Variants in CPQ observed in about 807,000 individuals in gnomAD.
The protein encoded by CPQ is carboxypeptidase Q.
CPQ carries 37 observed loss-of-function variants against 45.7 expected under a neutral mutation model. The observed-to-expected ratio is 0.81, with a 90% CI of 0.62 to 1.07. The LOEUF (loss-of-function observed/expected upper bound fraction) is 1.07, where lower values mean the gene tolerates loss of function less well. Ranked by LOEUF, CPQ falls within the 50% of genes least tolerant of loss-of-function variation. The pLI is 0.00. For synonymous variants in CPQ, 186 were observed against 205.8 expected (o/e 0.90, Z 0.82); for missense variants, 537 against 572.9 (o/e 0.94, Z 0.64).
At chr8:96,724,490 GAC>G (rs146087978) in intron 1 of CPQ, among the ~76,000 whole-genome samples, 9,691 of 144,476 alleles carry the variant, frequency 0.067, 336 homozygotes, top group Middle Eastern at 0.11. Context: ...ATTTAGAGTA[GAC>G]ACACACACAC....
intron 3 of CPQ, among the ~76,000 whole-genome samples, chr8:96,846,646 A>G (rs186955764): frequency 6.6e-6 from 1 of 152,340 alleles, no homozygotes; most frequent in East Asian, 1.9e-4. Flanking sequence ...CATTTCACCC[A>G]TAAATATATA....
chr8:96,861,685 T>G (rs529198178), intron 3 of CPQ, among the ~76,000 whole-genome samples: 54 of 152,270 alleles, frequency 3.5e-4, no homozygotes, highest in Admixed American at 1.0e-3. Flanking sequence ...ATTTATTTAT[T>G]AAACAAAAAT....
intron 7 of CPQ, 65 bp from the exon 8 acceptor site, chr8:97,142,955 G>C (rs899817808): frequency 6.7e-7 from 1 of 1,493,352 alleles, no homozygotes; most frequent in Non-Finnish European, 9.2e-7. Flanking sequence ...TGAAGGGGGA[G>C]AGGTGTGTAT....
At chr8:97,018,029 T>C (rs1242713088) in intron 5 of CPQ, among the ~76,000 whole-genome samples, 1 of 152,276 alleles carries the variant, frequency 6.6e-6, no homozygotes, top group Middle Eastern at 3.4e-3. Flanking sequence ...CTAATATCCA[T>C]GGCTGAGAGA....
intron 3 of CPQ, among the ~76,000 whole-genome samples, chr8:96,852,542 A>T (rs1811784214): frequency 6.6e-6 from 1 of 151,898 alleles, no homozygotes; most frequent in Non-Finnish European, 1.5e-5. Flanking sequence ...CACACATCCC[A>T]TCTCGCCCTC....
At chr8:96,760,227 A>G (rs1810382378) in intron 1 of CPQ, among the ~76,000 whole-genome samples, 1 of 152,218 alleles carries the variant, frequency 6.6e-6, no homozygotes, top group Non-Finnish European at 1.5e-5. Flanking sequence ...TGGGAGCTGT[A>G]TGGATCAGAA....
intron 1 of CPQ, among the ~76,000 whole-genome samples, chr8:96,684,839 G>C (rs559430771): frequency 2.6e-5 from 4 of 152,002 alleles, no homozygotes; most frequent in African/African-American, 4.8e-5. Context: ...GGTGGCTCAC[G>C]CCTGTCTCCC....
Position 97,143,007 on chromosome 8 carries a change from C to T in CPQ, c.1256-13C>T, listed in dbSNP as rs766464900. 6.2e-7 allele frequency: 1 copy of T among 1,612,896 alleles called. No individual in the cohort carries two copies. Among genetic ancestry groups the T allele is most frequent in the South Asian group, 1.1e-5 (1 of 90,916 alleles). On this transcript the variant is annotated splice_polypyrimidine_tract_variant and intron_variant, in intron 7 of 7. Coordinates refer to ENST00000220763, the MANE Select transcript of CPQ (RefSeq NM_016134.4). ...AAATACTCCACTAAGAATTCTTCCT[C>T]TTTTATCCCCAGGAGCCAGTCTACT... is the stretch of plus-strand genomic sequence containing the variant.
At chr8:97,037,726 T>G (rs973978088) in intron 6 of CPQ, among the ~76,000 whole-genome samples, 1 of 152,212 alleles carries the variant, frequency 6.6e-6, no homozygotes, top group African/African-American at 2.4e-5. Flanking sequence ...GGATTGTCTT[T>G]TGAGTTTGCT....
At chr8:96,815,213 G>A (rs1047130531) in intron 2 of CPQ, among the ~76,000 whole-genome samples, 3 of 152,052 alleles carry the variant, frequency 2.0e-5, no homozygotes, top group Non-Finnish European at 2.9e-5. Flanking sequence ...GAGAGAGAGA[G>A]AAATGGTAGG....
chr8:96,675,175 A>C (rs1385041084), intron 1 of CPQ, among the ~76,000 whole-genome samples: 1 of 152,080 alleles, frequency 6.6e-6, no homozygotes, highest in Non-Finnish European at 1.5e-5. Context: ...GTGAAATGTA[A>C]GTTTCCTTCT....
chr8:97,003,636 C>T (rs1809326735), intron 5 of CPQ, among the ~76,000 whole-genome samples: 1 of 152,132 alleles, frequency 6.6e-6, no homozygotes, highest in South Asian at 2.1e-4. Context: ...AATATGCATG[C>T]TTTGCCAAGT....
At chr8:96,810,877 G>T (rs1479244640) in intron 2 of CPQ, among the ~76,000 whole-genome samples, 1 of 152,082 alleles carries the variant, frequency 6.6e-6, no homozygotes, top group Non-Finnish European at 1.5e-5. Flanking sequence ...TTAGCTTTGG[G>T]TCCTCTATAG....
intron 5 of CPQ, among the ~76,000 whole-genome samples, chr8:97,020,388 C>A (rs1466453675): frequency 6.6e-6 from 1 of 151,714 alleles, no homozygotes; most frequent in Non-Finnish European, 1.5e-5. Flanking sequence ...CAGAGCATAA[C>A]TAAATGAAAT....
At chr8:96,741,447 T>G (rs945305490) in intron 1 of CPQ, among the ~76,000 whole-genome samples, 1 of 152,036 alleles carries the variant, frequency 6.6e-6, no homozygotes, top group African/African-American at 2.4e-5. Context: ...GTTAATTTTT[T>G]GAAGGGTTTT....
At chr8:96,790,122 A>G (rs1430143173) in intron 2 of CPQ, among the ~76,000 whole-genome samples, 1 of 152,094 alleles carries the variant, frequency 6.6e-6, no homozygotes, top group Non-Finnish European at 1.5e-5. Flanking sequence ...CAACACCCTT[A>G]AGTAGGGAAT....
chr8:96,734,810 C>A lies in CPQ; in HGVS notation c.-34-50054C>A, dbSNP rs141568071. Among the ~76,000 whole-genome samples, 177 of 152,160 alleles carry A rather than the reference C, an allele frequency of 1.2e-3. 1 individual carries two copies. Among genetic ancestry groups the A allele is most frequent in the African/African-American group, 3.4e-3 (142 of 41,538 alleles). Reference sequence around the variant, plus strand: ...ACTTCCCAGGCTTTTATACTTGAGTCCAAAATCCTATGGTGACCTACAAGG... The same window carrying A: ...ACTTCCCAGGCTTTTATACTTGAGTACAAAATCCTATGGTGACCTACAAGG... On this transcript the variant is annotated intron_variant, in intron 1 of 7. Coordinates refer to ENST00000220763, the MANE Select transcript of CPQ (RefSeq NM_016134.4).
At chr8:96,653,024 C>A (rs1380181692) in intron 1 of CPQ, among the ~76,000 whole-genome samples, 1 of 152,166 alleles carries the variant, frequency 6.6e-6, no homozygotes, top group Non-Finnish European at 1.5e-5. Context: ...CTCTGCCTCC[C>A]AGGCTCAAGC....
rs556262007 is a variant in CPQ, at chr8:96,962,515, G to A, written c.850-3420G>A. Reference sequence around the variant, plus strand: ...TGTGCATTTTCCTAGCATTTATCAGGTGATATTTTTCATGAAACTGCAGTT... The same window carrying A: ...TGTGCATTTTCCTAGCATTTATCAGATGATATTTTTCATGAAACTGCAGTT... On this transcript the variant is annotated intron_variant, in intron 4 of 7. Transcript: ENST00000220763. 2.6e-5 allele frequency among the ~76,000 whole-genome samples: 4 copies of A among 152,296 alleles called. No individual in the cohort carries two copies. In the South Asian group the frequency reaches 8.3e-4, roughly 32 times the overall value.
Sources: gnomAD v4.1 joint callset for allele counts (sites outside exome capture counted in the v4.1 genomes callset) on GRCh38, gnomAD v4.1.1 for gene constraint, MANE v1.5 for transcripts, NCBI Gene and HGNC (gene_info 2026-07-23, HGNC 2026-07-21) for gene names.